Variants in PAAF1 observed in about 807,000 individuals in gnomAD.
PAAF1 encodes proteasomal ATPase associated factor 1, also known as proteasomal ATPase-associated factor 1.
In PAAF1, 46 loss-of-function variants were observed where a neutral mutation model predicts 52.8. The observed-to-expected ratio is 0.87, with a 90% confidence interval of 0.69 to 1.11. PAAF1 has a LOEUF of 1.11. PAAF1 is among the 50% of genes most tolerant of loss of function. The pLI is 0.00. For missense variants in PAAF1, 424 were observed against 477.4 expected (o/e 0.89, Z 1.04); for synonymous variants, 178 against 172.8 (o/e 1.03, Z -0.24).
At chr11:73,891,282 A>G (rs1319845219) in intron 4 of PAAF1, 81 bp downstream of exon 4, 3 of 754,620 alleles carry the variant, frequency 4.0e-6, no homozygotes, top group African/African-American at 1.8e-5. Flanking sequence ...TGCTATAAAC[A>G]TATTCATAAT....
At chr11:73,922,230 T>A (rs1266842336) in intron 10 of PAAF1, 7 of 667,670 alleles carry the variant, frequency 1.0e-5, no homozygotes, top group Non-Finnish European at 1.6e-5. Context: ...AGGAGCAGAT[T>A]TTTTGTACTT....
At position 73,931,002 on chromosome 11, in the gene PAAF1, G is replaced by C. The variant is rs182189951; in HGVS notation, c.*3640G>C. The C allele has an allele frequency of 6.6e-6, 1 of 151,976 alleles. No homozygotes were observed. The highest frequency in any genetic ancestry group is 1.5e-5 in the Non-Finnish European group (1 of 68,016). The allele number at this position is 151,976 out of a possible 1,614,324, so 9.4% of individuals were successfully genotyped here. A position where few individuals can be genotyped will look rare whatever the true frequency, so the allele number is the denominator to read the frequency against. On this transcript the variant is annotated 3_prime_UTR_variant, in exon 12 of 12. Transcript: ENST00000310571. ...TTTGAGGTGATGGATATGTTAACTG[G>C]CTTCATTTAATTATTCCATATTGTA...
intron 7 of PAAF1, among the ~76,000 whole-genome samples, chr11:73,911,526 T>G (rs1225484264): frequency 6.6e-6 from 1 of 152,100 alleles, no homozygotes; most frequent in East Asian, 1.9e-4. Context: ...TTTTCTGTAA[T>G]TTTTCATTTC....
At position 73,883,379 on chromosome 11, in the gene PAAF1, C is replaced by G. The variant is rs150404250; in HGVS notation, c.89-3975C>G. Among the ~76,000 whole-genome samples, 813 of 152,280 alleles carry G rather than the reference C, an allele frequency of 5.3e-3. 26 individuals are homozygous for G. The highest frequency in any genetic ancestry group is 3.4e-3 in the Middle Eastern group (1 of 294). On this transcript the variant is annotated intron_variant, in intron 2 of 11. Coordinates refer to ENST00000310571, the MANE Select transcript of PAAF1 (RefSeq NM_025155.3). ...AAAACAGTCTATACCCATTAACAGT[C>G]ACTTTCCACCCCCCAATCCTAGCAA...
chr11:73,901,501 A>T (rs1949611873), intron 6 of PAAF1, among the ~76,000 whole-genome samples: 1 of 152,122 alleles, frequency 6.6e-6, no homozygotes, highest in Non-Finnish European at 1.5e-5. Context: ...TGTACCACTC[A>T]TTTGGGAATT....
intron 6 of PAAF1, 52 bp downstream of exon 6, chr11:73,900,472 A>G (rs1949566999): frequency 6.6e-7 from 1 of 1,516,386 alleles, no homozygotes; most frequent in Admixed American, 2.0e-5. Flanking sequence ...CCAGAAATGA[A>G]TCACTGAAAA....
intron 10 of PAAF1, among the ~76,000 whole-genome samples, chr11:73,920,573 CTG>C (rs142036615): frequency 0.026 from 3,932 of 152,050 alleles, 173 homozygotes; most frequent in African/African-American, 0.09. Context: ...AAGATAGTGA[CTG>C]GGCGTGGTGG....
intron 6 of PAAF1, among the ~76,000 whole-genome samples, chr11:73,901,822 C>T (rs569109974): frequency 2.0e-5 from 3 of 151,522 alleles, no homozygotes; most frequent in East Asian, 3.9e-4. Context: ...CCACCAGCCT[C>T]GGCCTCCCAA....
intron 4 of PAAF1, among the ~76,000 whole-genome samples, chr11:73,893,630 G>A (rs187546908): frequency 6.2e-4 from 93 of 150,854 alleles, no homozygotes; most frequent in Middle Eastern, 6.9e-3. Context: ...CCAGCTACTC[G>A]GGAGGTTGAG....
At chr11:73,915,248 A>C (rs1296318349) in intron 8 of PAAF1, among the ~76,000 whole-genome samples, 1 of 152,120 alleles carries the variant, frequency 6.6e-6, no homozygotes, top group Non-Finnish European at 1.5e-5. Context: ...AAAATGATGA[A>C]GTTGTATAGA....
chr11:73,915,966 TTTTG>T (rs1176097611), intron 8 of PAAF1, among the ~76,000 whole-genome samples: 1 of 152,224 alleles, frequency 6.6e-6, no homozygotes, highest in African/African-American at 2.4e-5. Context: ...AATCAGGTTT[TTTTG>T]TTTGTTTATT....
chr11:73,903,868 G>A (rs1193388469), intron 6 of PAAF1, among the ~76,000 whole-genome samples: 1 of 151,830 alleles, frequency 6.6e-6, no homozygotes, highest in African/African-American at 2.4e-5. Context: ...AGGATCACCT[G>A]AGGTCAGGAG....
chr11:73,882,311 CT>C (rs34242715), intron 2 of PAAF1, among the ~76,000 whole-genome samples: 9,849 of 119,480 alleles, frequency 0.082, 332 homozygotes, highest in Middle Eastern at 0.19. Flanking sequence ...CGTGCCTGCA[CT>C]TTTTTTTTTT....
rs1324146066 is a variant in PAAF1 at position 73,887,036 on chromosome 11, G to A, written c.89-318G>A. ...CCTTCTCCTTCTGCCATGAGTGGAA[G>A]CAGCCTGAGGCTCTCATCAGAAGCA... On this transcript the variant is annotated intron_variant, in intron 2 of 11. Coordinates refer to ENST00000310571, the MANE Select transcript of PAAF1 (RefSeq NM_025155.3). 5 of 454,070 alleles carry A rather than the reference G, an allele frequency of 1.1e-5. No individual in the cohort carries two copies. The East Asian group carries it at 3.4e-4, about 31-fold the overall frequency. The allele number at this position is 454,070 out of a possible 1,614,324, so 28.1% of individuals were successfully genotyped here.
intron 4 of PAAF1, among the ~76,000 whole-genome samples, chr11:73,898,811 T>TCAAACAAA (rs202208997): frequency 6.6e-5 from 10 of 151,974 alleles, no homozygotes; most frequent in South Asian, 2.1e-4. Flanking sequence ...TGAAACTCTG[T>TCAAACAAA]CAAACAAACA....
At chr11:73,921,925 C>G in intron 10 of PAAF1, 1 of 1,075,272 alleles carries the variant, frequency 9.3e-7, no homozygotes, top group Non-Finnish European at 1.4e-6. Flanking sequence ...CTCACCTTGG[C>G]TTTTGGAATT....
chr11:73,914,059 C>CA (rs1272592375), intron 7 of PAAF1, among the ~76,000 whole-genome samples: 1 of 151,434 alleles, frequency 6.6e-6, no homozygotes, highest in African/African-American at 2.4e-5. Context: ...GACTCTGTCT[C>CA]AAAAAAAAGT....
chr11:73,897,440 C>T (rs1029193778), intron 4 of PAAF1, among the ~76,000 whole-genome samples: 1 of 149,800 alleles, frequency 6.7e-6, no homozygotes, highest in East Asian at 2.0e-4. Context: ...GGGCGGTTGC[C>T]AGGCAGAGGG....
At chr11:73,897,349 G>C (rs1434376210) in intron 4 of PAAF1, among the ~76,000 whole-genome samples, 3 of 151,530 alleles carry the variant, frequency 2.0e-5, no homozygotes, top group Non-Finnish European at 1.5e-5. Context: ...CTTCCCAGAC[G>C]GGGTGGCTGC....
Sources: allele counts gnomAD v4.1 joint callset (sites outside exome capture counted in the v4.1 genomes callset), GRCh38; gene constraint gnomAD v4.1.1; transcripts MANE v1.5; gene names NCBI Gene and HGNC (gene_info 2026-07-23, HGNC 2026-07-21).